PREPL: variants seen among roughly 807,000 people sequenced by gnomAD.
The protein encoded by PREPL is prolyl endopeptidase like.
PREPL carries 77 observed loss-of-function variants against 70.6 expected under a neutral mutation model. The ratio of observed to expected loss-of-function variants is 1.09; its 90% CI spans 0.91 to 1.32. The LOEUF is 1.32. Ranked by LOEUF, PREPL falls within the 40% of genes most tolerant of loss-of-function variation. PREPL has a pLI of 0.00. For missense variants in PREPL, 1,002 were observed against 778.2 expected (o/e 1.29, Z -3.42); for synonymous variants, 315 against 264.8 (o/e 1.19, Z -1.84).
intron 8 of PREPL, among the ~76,000 whole-genome samples, chr2:44,330,558 G>C (rs1034867625): frequency 6.6e-6 from 1 of 152,000 alleles, no homozygotes; most frequent in Non-Finnish European, 1.5e-5. Context: ...TTTAAGATTT[G>C]TTCTGTATTT....
At chr2:44,326,387 T>C (rs1673491245) in intron 10 of PREPL, among the ~76,000 whole-genome samples, 2 of 150,566 alleles carry the variant, frequency 1.3e-5, no homozygotes, top group Admixed American at 6.6e-5. Context: ...TCTTTCCTTT[T>C]TTTTTTTTTT....
chr2:44,338,376 G>C lies in PREPL; in HGVS notation c.863C>G (p.Ala288Gly), dbSNP rs1380659776. ...CTTTAGAGACCGAACTGAATCATCAGCCAGACCAATCACATTAACATAAAG... is the reference window on the plus strand; with the variant it reads ...CTTTAGAGACCGAACTGAATCATCACCCAGACCAATCACATTAACATAAAG... ...NLLYVNVIGL[A>G]DDSVRSLKLP... Residue 288 changes from alanine to glycine, a missense_variant, in exon 7 of 14, where the codon GCT becomes GGT. Transcript: ENST00000409411. 2 of 1,612,280 alleles carry C rather than the reference G, an allele frequency of 1.2e-6. No individual in the cohort carries two copies. The highest frequency in any genetic ancestry group is 1.7e-6 in the Non-Finnish European group (2 of 1,179,664).
chr2:44,341,042 G>T (rs950311276), intron 5 of PREPL, among the ~76,000 whole-genome samples: 1 of 151,584 alleles, frequency 6.6e-6, no homozygotes, highest in Non-Finnish European at 1.5e-5. Flanking sequence ...TTTTTGACTT[G>T]AGTTTAATAT....
chr2:44,326,016 T>C (rs1031173931), intron 10 of PREPL, among the ~76,000 whole-genome samples: 2 of 152,186 alleles, frequency 1.3e-5, no homozygotes, highest in Admixed American at 1.3e-4. Flanking sequence ...CCTATAAATC[T>C]AGGACTGAAA....
At chr2:44,329,372 T>C (rs1673861464) in intron 8 of PREPL, among the ~76,000 whole-genome samples, 1 of 152,216 alleles carries the variant, frequency 6.6e-6, no homozygotes, top group Non-Finnish European at 1.5e-5. Flanking sequence ...ATGCAGCTTT[T>C]CATGACAATA....
intron 1 of PREPL, chr2:44,359,591 T>A: frequency 6.2e-7 from 1 of 1,612,104 alleles, no homozygotes; most frequent in South Asian, 1.1e-5. Context: ...TTTTTTCAAT[T>A]TTATTCTATT....
chr2:44,342,062 T>C (rs1298699166), intron 5 of PREPL, among the ~76,000 whole-genome samples: 1 of 152,162 alleles, frequency 6.6e-6, no homozygotes, highest in African/African-American at 2.4e-5. Context: ...AATAGCACTA[T>C]ACAAACCTGG....
chr2:44,327,150 T>G (rs1673591443), intron 9 of PREPL, among the ~76,000 whole-genome samples: 1 of 152,170 alleles, frequency 6.6e-6, no homozygotes, highest in Non-Finnish European at 1.5e-5. Flanking sequence ...GAAAAAGGTT[T>G]GCCAACTCCT....
chr2:44,330,963 G>C (rs143975803), intron 8 of PREPL, among the ~76,000 whole-genome samples: 15 of 151,966 alleles, frequency 9.9e-5, no homozygotes, highest in African/African-American at 3.1e-4. Context: ...CTTTTTCTGA[G>C]ACAGGATCTT....
intron 9 of PREPL, among the ~76,000 whole-genome samples, chr2:44,328,553 G>T (rs1254889651): frequency 2.6e-5 from 4 of 151,944 alleles, no homozygotes; most frequent in Non-Finnish European, 5.9e-5. Flanking sequence ...GAGATGGGGA[G>T]GTGGAGAAGA....
At chr2:44,323,190 G>A in intron 11 of PREPL, 72 bp downstream of exon 11, 4 of 1,410,948 alleles carry the variant, frequency 2.8e-6, no homozygotes, top group Non-Finnish European at 3.8e-6. Flanking sequence ...TTTTGCTTCA[G>A]CTTGGATAAG....
In PREPL at chr2:44,332,507, G is replaced by C. The variant is rs1674223059; in HGVS notation, c.1038C>G (p.Asp346Glu). 6.2e-7 allele frequency: 1 copy of C among 1,614,066 alleles called. No homozygotes were observed. The highest frequency in any genetic ancestry group is 1.3e-5 in the African/African-American group (1 of 75,034). Reference protein sequence around the residue: ...GKLFEETGHEDPITKTSRVLR... With the variant: ...GKLFEETGHEEPITKTSRVLR... ...AAACGCGACTAGTCTTTGTGATTGG[G>C]TCTTCATGCCCAGTTTCCTCAAACA... The change falls in exon 8 of 14, where the codon GAC (aspartate) becomes GAG (glutamate). Residue 346 changes from aspartate to glutamate, a missense_variant. Physicochemically the swap from Asp to Glu is conservative, Grantham distance 45. Transcript: ENST00000409411.
chr2:44,330,421 T>C (rs1673975444), intron 8 of PREPL, among the ~76,000 whole-genome samples: 1 of 152,182 alleles, frequency 6.6e-6, no homozygotes, highest in African/African-American at 2.4e-5. Flanking sequence ...TTGCAACATT[T>C]TGATAGACTA....
intron 4 of PREPL, among the ~76,000 whole-genome samples, chr2:44,342,782 A>C (rs1675370390): frequency 6.6e-6 from 1 of 152,190 alleles, no homozygotes; most frequent in African/African-American, 2.4e-5. Flanking sequence ...TATCAGTCTC[A>C]GGGTACTCAG....
Position 44,339,381 on chromosome 2 carries a change from G to T in PREPL, c.486-18C>A. The T allele has an allele frequency of 6.6e-7, 1 of 1,507,792 alleles. No individual in the cohort carries two copies. Among genetic ancestry groups the T allele is most frequent in the Admixed American group, 1.8e-5 (1 of 57,022 alleles). The allele number at this position is 1,507,792 out of a possible 1,614,324, so 93.4% of individuals were successfully genotyped here. A position where few individuals can be genotyped will look rare whatever the true frequency, so the allele number is the denominator to read the frequency against. On this transcript the variant is annotated intron_variant, in intron 5 of 13. Coordinates refer to ENST00000409411, the MANE Select transcript of PREPL (RefSeq NM_001171613.2). ...CAAAGTAGCTAGAGAGAGAGAGAGA[G>T]ACATGAGATCACAGTTTATTTCAGA... is the stretch of plus-strand genomic sequence containing the variant.
chr2:44,318,816 T>A lies in PREPL; in HGVS notation c.*2540A>T, dbSNP rs1672669335. The A allele has an allele frequency of 6.6e-6, 1 of 152,172 alleles. No individual in the cohort carries two copies. Among genetic ancestry groups the A allele is most frequent in the South Asian group, 2.1e-4 (1 of 4,828 alleles). 9.4% of individuals were successfully genotyped at this position (152,172 alleles called of 1,614,324 possible). ...AAAATATAGTTCAATATGAAAAGCA[T>A]TATATGAGACAAAGGCAATTTTCAA... On this transcript the variant is annotated 3_prime_UTR_variant, in exon 14 of 14. Transcript: ENST00000409411.
chr2:44,350,188 A>C (rs1676264586), intron 1 of PREPL, among the ~76,000 whole-genome samples: 1 of 152,200 alleles, frequency 6.6e-6, no homozygotes, highest in African/African-American at 2.4e-5. Flanking sequence ...ATAAAATCAA[A>C]TTTTTAATTT....
At chr2:44,325,913 A>G (rs1275217791) in intron 10 of PREPL, among the ~76,000 whole-genome samples, 1 of 152,230 alleles carries the variant, frequency 6.6e-6, no homozygotes, top group Admixed American at 6.5e-5. Context: ...GGAAAAGATA[A>G]TCATTTTCAG....
chr2:44,327,529 T>C (rs1186119213), intron 9 of PREPL, among the ~76,000 whole-genome samples: 3 of 152,024 alleles, frequency 2.0e-5, no homozygotes, highest in African/African-American at 4.8e-5. Context: ...ACAGCATGTA[T>C]AAGGGCAAGG....
Sources: allele counts gnomAD v4.1 joint callset (sites outside exome capture counted in the v4.1 genomes callset), GRCh38; gene constraint gnomAD v4.1.1; transcripts MANE v1.5; gene names NCBI Gene and HGNC (gene_info 2026-07-23, HGNC 2026-07-21).